Variants in CTNNA3 observed in about 807,000 individuals in gnomAD.
CTNNA3 encodes the protein catenin alpha-3.
CTNNA3 carries 76 observed loss-of-function variants against 95.7 expected under a neutral mutation model. That is an observed-to-expected ratio of 0.79 (90% CI 0.66 to 0.96). The LOEUF (loss-of-function observed/expected upper bound fraction) is 0.96, where lower values mean the gene tolerates loss of function less well. CTNNA3 is among the 40% of genes least tolerant of loss of function. The pLI is 0.00. For missense variants in CTNNA3, 1,191 were observed against 1,089.8 expected, an observed-to-expected ratio of 1.09 and a Z score of -1.31; for synonymous variants, 431 against 374.4, an observed-to-expected ratio of 1.15 and a Z score of -1.74.
intron 15 of CTNNA3, among the ~76,000 whole-genome samples, chr10:66,019,815 T>G (rs1163957803): frequency 6.6e-6 from 1 of 152,214 alleles, no homozygotes; most frequent in African/African-American, 2.4e-5. Context: ...AGTAGGAATG[T>G]TAACTTTTTT....
chr10:67,174,583 C>A (rs1278766787), intron 7 of CTNNA3, among the ~76,000 whole-genome samples: 5 of 152,106 alleles, frequency 3.3e-5, no homozygotes, highest in Non-Finnish European at 7.4e-5. Context: ...ATTTCCAAAA[C>A]AATTCACATA....
intron 11 of CTNNA3, among the ~76,000 whole-genome samples, chr10:66,385,454 C>T (rs2092881629): frequency 6.6e-6 from 1 of 151,930 alleles, no homozygotes; most frequent in South Asian, 2.1e-4. Context: ...AATTAATAGG[C>T]TACTAACCAA....
intron 7 of CTNNA3, among the ~76,000 whole-genome samples, chr10:67,175,527 GA>G (rs1325093873): frequency 6.6e-6 from 1 of 152,120 alleles, no homozygotes; most frequent in African/African-American, 2.4e-5. Context: ...AATACGTAAT[GA>G]GAACCAACAA....
At chr10:67,508,879 A>AT (rs200576825) in intron 5 of CTNNA3, among the ~76,000 whole-genome samples, 2,965 of 147,222 alleles carry the variant, frequency 0.02, 54 homozygotes, top group South Asian at 0.064. Flanking sequence ...CTAAATAGAC[A>AT]TTTTTTTTTT....
intron 6 of CTNNA3, among the ~76,000 whole-genome samples, chr10:67,219,299 G>C (rs1166869198): frequency 2.6e-5 from 4 of 152,182 alleles, no homozygotes; most frequent in East Asian, 1.9e-4. Context: ...ATAAGTATTT[G>C]TGGAGTGAAT....
At chr10:66,762,163 A>G (rs1839625036) in intron 9 of CTNNA3, among the ~76,000 whole-genome samples, 1 of 152,078 alleles carries the variant, frequency 6.6e-6, no homozygotes, top group Non-Finnish European at 1.5e-5. Context: ...TTCCTGTTCA[A>G]TAGATTTTAT....
intron 7 of CTNNA3, among the ~76,000 whole-genome samples, chr10:66,919,623 T>G (rs1846683702): frequency 6.6e-6 from 1 of 152,206 alleles, no homozygotes; most frequent in South Asian, 2.1e-4. Context: ...ATTTTAATGG[T>G]CAGACCTGGA....
intron 1 of CTNNA3, among the ~76,000 whole-genome samples, chr10:67,723,420 T>C (rs1025308424): frequency 1.3e-5 from 2 of 151,902 alleles, no homozygotes; most frequent in Non-Finnish European, 2.9e-5. Context: ...GCCTCCCAAG[T>C]AGTGGAACTA....
intron 2 of CTNNA3, among the ~76,000 whole-genome samples, chr10:67,641,534 GC>G (rs1204588204): frequency 6.6e-6 from 1 of 152,076 alleles, no homozygotes; most frequent in East Asian, 1.9e-4. Context: ...TATAAATCAT[GC>G]TACTATAAAG....
intron 13 of CTNNA3, among the ~76,000 whole-genome samples, chr10:66,195,997 G>A (rs2086939128): frequency 6.6e-6 from 1 of 152,060 alleles, no homozygotes; most frequent in Non-Finnish European, 1.5e-5. Context: ...GATGTTCTTA[G>A]CAAGAATATT....
intron 4 of CTNNA3, among the ~76,000 whole-genome samples, chr10:67,532,247 A>C (rs1424097549): frequency 6.6e-6 from 1 of 152,154 alleles, no homozygotes; most frequent in African/African-American, 2.4e-5. Context: ...AACAGCTCTT[A>C]ATTATACAGT....
intron 5 of CTNNA3, among the ~76,000 whole-genome samples, chr10:67,483,883 T>C (rs553040400): frequency 4.0e-5 from 6 of 151,150 alleles, no homozygotes; most frequent in East Asian, 3.9e-4. Flanking sequence ...ATCAATATTA[T>C]TGAAATGGCC....
intron 10 of CTNNA3, among the ~76,000 whole-genome samples, chr10:66,606,649 A>G (rs1481912514): frequency 6.6e-6 from 1 of 152,046 alleles, no homozygotes; most frequent in African/African-American, 2.4e-5. Context: ...AATTCATTAC[A>G]TGAATAACCT....
intron 3 of CTNNA3, among the ~76,000 whole-genome samples, chr10:67,573,481 C>T (rs1458930836): frequency 1.3e-5 from 2 of 152,060 alleles, no homozygotes; most frequent in East Asian, 1.9e-4. Context: ...AGAACAGGTG[C>T]CATCTCCCTA....
intron 7 of CTNNA3, among the ~76,000 whole-genome samples, chr10:66,958,031 G>A (rs748412674): frequency 1.3e-5 from 2 of 151,936 alleles, no homozygotes; most frequent in African/African-American, 4.8e-5. Flanking sequence ...AACTAGAGGG[G>A]CCAAAAGCAG....
chr10:66,099,526 G>T (rs1589397114), intron 14 of CTNNA3, among the ~76,000 whole-genome samples: 2 of 152,120 alleles, frequency 1.3e-5, no homozygotes, highest in East Asian at 3.9e-4. Flanking sequence ...TAAATATAAT[G>T]TTGGTTCTTG....
chr10:66,677,261 C>T (rs778960939), intron 9 of CTNNA3, among the ~76,000 whole-genome samples: 10 of 151,810 alleles, frequency 6.6e-5, no homozygotes, highest in Admixed American at 3.9e-4. Flanking sequence ...ACTAAAAAAA[C>T]ATACACACTA....
At chr10:67,741,331 A>G (rs1841337101) in intron 1 of CTNNA3, among the ~76,000 whole-genome samples, 1 of 148,092 alleles carries the variant, frequency 6.8e-6, no homozygotes, top group South Asian at 2.2e-4. Flanking sequence ...AAAAAAATAA[A>G]AAATAAAAAA....
intron 5 of CTNNA3, among the ~76,000 whole-genome samples, chr10:67,452,795 A>G (rs889824057): frequency 4.6e-5 from 7 of 152,240 alleles, no homozygotes; most frequent in Admixed American, 2.0e-4. Context: ...AGTTTGAAAT[A>G]GCACAGTAAT....
Sources: allele counts gnomAD v4.1 joint callset (sites outside exome capture counted in the v4.1 genomes callset), GRCh38; gene constraint gnomAD v4.1.1; transcripts MANE v1.5; gene names NCBI Gene and HGNC (gene_info 2026-07-23, HGNC 2026-07-21).